Variants in WWOX observed in about 807,000 individuals in gnomAD.
WWOX encodes WW domain-containing oxidoreductase.
In WWOX, 69 loss-of-function variants were observed where a neutral mutation model predicts 46.2. The ratio of observed to expected loss-of-function variants is 1.49; its 90% CI spans 1.23 to 1.82. WWOX has a LOEUF of 1.82. Among genes scored for constraint, WWOX ranks in the 40% most tolerant of loss-of-function variants. The pLI, the probability that WWOX is intolerant of heterozygous loss-of-function variation, is 0.00. For missense variants in WWOX, 919 were observed against 542.6 expected, an observed-to-expected ratio of 1.69 and a Z score of -6.89; for synonymous variants, 359 against 202.6, an observed-to-expected ratio of 1.77 and a Z score of -6.56.
At chr16:79,135,802 T>C (rs937096663) in intron 8 of WWOX, among the ~76,000 whole-genome samples, 23 of 152,224 alleles carry the variant, frequency 1.5e-4, no homozygotes, top group African/African-American at 5.5e-4. Flanking sequence ...TTTTACATTG[T>C]AATTGTGAGT....
intron 4 of WWOX, among the ~76,000 whole-genome samples, chr16:78,162,527 T>TAC (rs1004525995): frequency 1.5e-4 from 23 of 151,862 alleles, no homozygotes; most frequent in East Asian, 5.8e-4. Context: ...CATATATATA[T>TAC]ACACACACAC....
intron 8 of WWOX, among the ~76,000 whole-genome samples, chr16:78,817,169 A>ATTGTTTTTTTT (rs1460643310): frequency 1.5e-4 from 4 of 26,584 alleles, no homozygotes; most frequent in African/African-American, 6.1e-4. Context: ...CATTAGTGCT[A>ATTGTTTTTTTT]TTCTTTTTTT....
At chr16:78,332,252 A>C (rs139054989) in intron 5 of WWOX, among the ~76,000 whole-genome samples, 3 of 152,208 alleles carry the variant, frequency 2.0e-5, no homozygotes, top group African/African-American at 7.2e-5. Context: ...CAGATCCCAG[A>C]TGGATCTACT....
At chr16:78,386,442 A>G (rs79730433) in intron 5 of WWOX, among the ~76,000 whole-genome samples, 3,468 of 152,248 alleles carry the variant, frequency 0.023, 139 homozygotes, top group African/African-American at 0.079. Context: ...TAATGGAGAT[A>G]TTTCAGAACC....
At chr16:78,995,624 T>G (rs373782248) in intron 8 of WWOX, among the ~76,000 whole-genome samples, 4 of 152,016 alleles carry the variant, frequency 2.6e-5, no homozygotes, top group African/African-American at 9.7e-5. Context: ...AACCGCAAAC[T>G]GGCTTGTTCT....
At chr16:78,594,004 C>T (rs542462744) in intron 8 of WWOX, among the ~76,000 whole-genome samples, 3 of 152,258 alleles carry the variant, frequency 2.0e-5, no homozygotes, top group African/African-American at 7.2e-5. Flanking sequence ...CTATTTAAGT[C>T]TCAGTTTCGT....
chr16:78,330,434 G>A (rs1445337108), intron 5 of WWOX, among the ~76,000 whole-genome samples: 1 of 149,308 alleles, frequency 6.7e-6, no homozygotes, highest in Non-Finnish European at 1.5e-5. Context: ...GTCTTGCTCT[G>A]TTGCCAGGCT....
chr16:78,384,911 G>A (rs2082028903), intron 5 of WWOX, among the ~76,000 whole-genome samples: 1 of 152,058 alleles, frequency 6.6e-6, no homozygotes, highest in South Asian at 2.1e-4. Context: ...CGGGGTGGGT[G>A]GATCACAAGG....
intron 8 of WWOX, among the ~76,000 whole-genome samples, chr16:78,838,675 C>T (rs780393175): frequency 4.7e-4 from 72 of 152,258 alleles, no homozygotes; most frequent in Admixed American, 7.8e-4. Context: ...AACCCCATCT[C>T]TACTAAAAAT....
At chr16:79,070,172 G>C (rs1316614777) in intron 8 of WWOX, among the ~76,000 whole-genome samples, 1 of 152,162 alleles carries the variant, frequency 6.6e-6, no homozygotes, top group African/African-American at 2.4e-5. Flanking sequence ...CAGGTCAGCT[G>C]CAGTGCCTAA....
At chr16:79,072,440 A>G (rs148257706) in intron 8 of WWOX, among the ~76,000 whole-genome samples, 1 of 152,306 alleles carries the variant, frequency 6.6e-6, no homozygotes, top group Middle Eastern at 3.4e-3. Context: ...TGGTGTTGCT[A>G]CTTTGCAACA....
chr16:78,681,901 C>A (rs1430531013), intron 8 of WWOX, among the ~76,000 whole-genome samples: 5 of 152,170 alleles, frequency 3.3e-5, no homozygotes, highest in African/African-American at 1.2e-4. Context: ...CCCCGCAGAG[C>A]CCCTCATTCT....
At chr16:78,297,300 T>C (rs1452498712) in intron 5 of WWOX, among the ~76,000 whole-genome samples, 2 of 152,172 alleles carry the variant, frequency 1.3e-5, no homozygotes, top group African/African-American at 4.8e-5. Context: ...TTGCCCTTAG[T>C]CCCTGAACCC....
chr16:78,592,638 T>C (rs1285541327), intron 8 of WWOX, among the ~76,000 whole-genome samples: 5 of 152,212 alleles, frequency 3.3e-5, no homozygotes, highest in Non-Finnish European at 7.3e-5. Flanking sequence ...TGGCATATTT[T>C]GGCAGGCCTG....
chr16:79,048,126 T>G (rs2048100005), intron 8 of WWOX, among the ~76,000 whole-genome samples: 1 of 152,010 alleles, frequency 6.6e-6, no homozygotes, highest in Non-Finnish European at 1.5e-5. Flanking sequence ...ACACGGAAAA[T>G]CATTTTCTAT....
chr16:78,768,567 G>C (rs1245938353), intron 8 of WWOX, among the ~76,000 whole-genome samples: 1 of 151,282 alleles, frequency 6.6e-6, no homozygotes, highest in Non-Finnish European at 1.5e-5. Context: ...TCCAGCCTGG[G>C]TGACACAGTG....
chr16:78,877,069 T>A (rs927298419), intron 8 of WWOX, among the ~76,000 whole-genome samples: 1 of 152,226 alleles, frequency 6.6e-6, no homozygotes, highest in Non-Finnish European at 1.5e-5. Flanking sequence ...ATTCTTTTCC[T>A]TACAAGCCCT....
intron 8 of WWOX, among the ~76,000 whole-genome samples, chr16:79,186,448 C>G (rs538824927): frequency 1.3e-5 from 2 of 152,194 alleles, no homozygotes; most frequent in South Asian, 4.1e-4. Flanking sequence ...TCTGTCCTCC[C>G]ACGGCCTTCT....
At chr16:79,016,007 C>G (rs2047405170) in intron 8 of WWOX, 1 of 152,184 alleles carries the variant, frequency 6.6e-6, no homozygotes, top group Non-Finnish European at 1.5e-5. Flanking sequence ...CCTCAGCCTC[C>G]CAGAGCGCTG....
Sources: gnomAD v4.1 joint callset for allele counts (sites outside exome capture counted in the v4.1 genomes callset) on GRCh38, gnomAD v4.1.1 for gene constraint, MANE v1.5 for transcripts, NCBI Gene and HGNC (gene_info 2026-07-23, HGNC 2026-07-21) for gene names.